ESRRB: variants seen among roughly 807,000 people sequenced by gnomAD.
ESRRB encodes estrogen related receptor beta, also known as steroid hormone receptor ERR2.
A neutral mutation model predicts 46.0 loss-of-function variants in ESRRB; 16 were observed. The ratio of observed to expected loss-of-function variants is 0.35; its 90% CI spans 0.24 to 0.53. The LOEUF (loss-of-function observed/expected upper bound fraction) is 0.53, where lower values mean the gene tolerates loss of function less well. Among genes scored for constraint, ESRRB ranks in the 20% least tolerant of loss-of-function variants. The pLI, the probability that ESRRB is intolerant of heterozygous loss-of-function variation, is 0.93. For missense variants in ESRRB, 488 were observed against 607.4 expected (o/e 0.80, Z 2.07); for synonymous variants, 246 against 259.6 (o/e 0.95, Z 0.50).
chr14:76,363,951 A>T (rs1284057229), intron 1 of ESRRB, among the ~76,000 whole-genome samples: 2 of 152,198 alleles, frequency 1.3e-5, no homozygotes, highest in Non-Finnish European at 2.9e-5. Context: ...CAGTAAATAA[A>T]AGGAGTGATG....
chr14:76,344,847 C>CAAA (rs563442204), intron 1 of ESRRB, among the ~76,000 whole-genome samples: 4 of 114,974 alleles, frequency 3.5e-5, no homozygotes, highest in African/African-American at 1.3e-4. Context: ...GACTCCATCT[C>CAAA]AAAAAAAAAA....
chr14:76,320,929 A>C, intron 1 of ESRRB, among the ~76,000 whole-genome samples: 1 of 151,722 alleles, frequency 6.6e-6, no homozygotes. Context: ...TCTCCATCAT[A>C]CTCTATTAAT....
At chr14:76,316,465 C>G (rs562997832) in intron 1 of ESRRB, among the ~76,000 whole-genome samples, 2 of 117,538 alleles carry the variant, frequency 1.7e-5, no homozygotes, top group South Asian at 6.8e-4. Flanking sequence ...GTAGTAGTCA[C>G]TATCTCCCTT....
intron 1 of ESRRB, among the ~76,000 whole-genome samples, chr14:76,419,489 A>AG (rs1886849962): frequency 6.6e-6 from 1 of 152,008 alleles, no homozygotes; most frequent in Non-Finnish European, 1.5e-5. Flanking sequence ...GAGCCTCATG[A>AG]GGGTTAGCTG....
chr14:76,325,807 G>T (rs1883923218), intron 1 of ESRRB, among the ~76,000 whole-genome samples: 1 of 152,188 alleles, frequency 6.6e-6, no homozygotes, highest in Non-Finnish European at 1.5e-5. Flanking sequence ...GGGCCATGAG[G>T]GCGCGCTGGC....
rs535801307 is a variant in ESRRB at position 76,440,711 on chromosome 14, TTCTC to T, written c.460+969_460+972del. Among the ~76,000 whole-genome samples the T allele has an allele frequency of 3.2e-3, 481 of 151,254 alleles. 7 individuals are homozygous for T. Among genetic ancestry groups the T allele is most frequent in the African/African-American group, 0.011 (458 of 41,308 alleles). On this transcript the variant is annotated intron_variant, in intron 2 of 6. Transcript: ENST00000644823. Reference sequence around the variant, plus strand: ...TCTCTCTCACTCTCTTTCTTTTTCTTTCTCTCTCTCTTTCTCTCTCTCTCTCTCT... The same window carrying T: ...TCTCTCTCACTCTCTTTCTTTTTCTTTCTCTCTTTCTCTCTCTCTCTCTCT...
chr14:76,354,225 C>T (rs1884349164), intron 1 of ESRRB, among the ~76,000 whole-genome samples: 1 of 47,402 alleles, frequency 2.1e-5, no homozygotes, highest in Non-Finnish European at 3.3e-5. Context: ...CCTCTACCCG[C>T]CCCCCCCCCC....
intron 2 of ESRRB, among the ~76,000 whole-genome samples, chr14:76,449,613 G>A (rs560707932): frequency 2.0e-5 from 3 of 152,130 alleles, no homozygotes; most frequent in African/African-American, 4.8e-5. Flanking sequence ...ACTCAGGCAA[G>A]GAGCATTGAT....
upstream of ESRRB, among the ~76,000 whole-genome samples, chr14:76,370,497 A>G (rs1395010819): frequency 1.3e-5 from 2 of 152,194 alleles, no homozygotes; most frequent in East Asian, 3.9e-4. Flanking sequence ...TATAAGAAAA[A>G]ACTCCACAAT....
intron 1 of ESRRB, among the ~76,000 whole-genome samples, chr14:76,326,385 G>A (rs56241327): frequency 6.6e-6 from 1 of 152,102 alleles, no homozygotes; most frequent in African/African-American, 2.4e-5. Context: ...GGTTCATATT[G>A]TGGCTCTGCT....
intron 1 of ESRRB, among the ~76,000 whole-genome samples, chr14:76,394,224 G>A (rs906221130): frequency 6.7e-6 from 1 of 149,560 alleles, no homozygotes; most frequent in East Asian, 2.0e-4. Context: ...TTTGATGCTG[G>A]GCTCTTTTCT....
intron 1 of ESRRB, among the ~76,000 whole-genome samples, chr14:76,342,147 G>A (rs573797749): frequency 9.9e-5 from 15 of 152,284 alleles, no homozygotes; most frequent in East Asian, 1.9e-4. Context: ...TTGGGGCAAC[G>A]GGGCTAACAC....
chr14:76,462,515 C>T, intron 2 of ESRRB, 30 bp from the exon 3 acceptor site: 2 of 1,589,314 alleles, frequency 1.3e-6, no homozygotes, highest in Non-Finnish European at 1.7e-6. Flanking sequence ...GCGGCCAGCA[C>T]CCGGCAACCC....
At chr14:76,312,038 C>CT (rs58087201) in intron 1 of ESRRB, among the ~76,000 whole-genome samples, 166 of 128,176 alleles carry the variant, frequency 1.3e-3, no homozygotes, top group Admixed American at 7.3e-3. Flanking sequence ...TTAAATGTAC[C>CT]TTTTTTTTTT....
intron 1 of ESRRB, among the ~76,000 whole-genome samples, chr14:76,381,261 T>A (rs1213446983): frequency 1.3e-5 from 2 of 152,086 alleles, no homozygotes; most frequent in Non-Finnish European, 2.9e-5. Flanking sequence ...TCTGGGGGAC[T>A]GGGAGGCTCA....
At chr14:76,488,099 C>G (rs554853402) in intron 5 of ESRRB, among the ~76,000 whole-genome samples, 6 of 152,262 alleles carry the variant, frequency 3.9e-5, no homozygotes, top group African/African-American at 1.4e-4. Flanking sequence ...CCATTCCGAC[C>G]TCCTAAAAGT....
At chr14:76,407,501 T>A in intron 1 of ESRRB, 1 of 980,136 alleles carries the variant, frequency 1.0e-6, no homozygotes, top group Non-Finnish European at 1.2e-6. Flanking sequence ...GTCTGGTATC[T>A]AAGTGCGATC....
intron 1 of ESRRB, among the ~76,000 whole-genome samples, chr14:76,337,465 C>T (rs1026975031): frequency 2.0e-4 from 30 of 152,114 alleles, no homozygotes; most frequent in African/African-American, 7.0e-4. Context: ...CGGGTCCACT[C>T]ATACATCGTG....
intron 1 of ESRRB, chr14:76,407,483 G>A: frequency 1.1e-6 from 1 of 938,974 alleles, no homozygotes; most frequent in Non-Finnish European, 1.3e-6. Flanking sequence ...TTTGGTTTAG[G>A]GACCAGAGTC....
Sources: allele counts gnomAD v4.1 joint callset (sites outside exome capture counted in the v4.1 genomes callset), GRCh38; gene constraint gnomAD v4.1.1; transcripts MANE v1.5; gene names NCBI Gene and HGNC (gene_info 2026-07-23, HGNC 2026-07-21).